ANKRA2: variants seen among roughly 807,000 people sequenced by gnomAD.
The protein encoded by ANKRA2 is ankyrin repeat family A protein 2.
ANKRA2 carries 33 observed loss-of-function variants against 37.8 expected under a neutral mutation model. That is an observed-to-expected ratio of 0.87 (90% CI 0.66 to 1.17). The LOEUF (loss-of-function observed/expected upper bound fraction) is 1.17, where lower values mean the gene tolerates loss of function less well. Among genes scored for constraint, ANKRA2 ranks in the 50% most tolerant of loss-of-function variants. The pLI is 0.00. For synonymous variants in ANKRA2, 126 were observed against 132.3 expected, an observed-to-expected ratio of 0.95 and a Z score of 0.33; for missense variants, 326 against 373.7, an observed-to-expected ratio of 0.87 and a Z score of 1.05.
chr5:73,553,414 T>C lies in ANKRA2; in HGVS notation c.878A>G (p.Tyr293Cys). Residue 293 changes from tyrosine (Y) to cysteine (C), a missense_variant, in exon 8 of 9, where the codon TAT (tyrosine) becomes TGT (cysteine). This residue lies in a region of ANKRA2 where 228 missense variants were observed against 260.2 expected (regional missense o/e 0.88). Coordinates refer to ENST00000296785, the MANE Select transcript of ANKRA2 (RefSeq NM_023039.5). ...AGTTCTAACATACTTACCACTTCTA[T>C]AGCCTAGGGCTACAGCTAGATCCAT... Reference protein sequence around the residue: ...NSMDLAVALGYRSVQQVIESH... With the variant: ...NSMDLAVALGCRSVQQVIESH... 3.1e-6 allele frequency: 5 copies of C among 1,612,054 alleles called. No homozygotes were observed. The highest frequency in any genetic ancestry group is 2.2e-5 in the South Asian group (2 of 90,976).
intron 3 of ANKRA2, 66 bp downstream of exon 3, chr5:73,561,064 T>C: frequency 6.9e-7 from 1 of 1,451,492 alleles, no homozygotes; most frequent in Non-Finnish European, 9.4e-7. Flanking sequence ...GAAATAATGT[T>C]TTAAAGTCAA....
intron 3 of ANKRA2, among the ~76,000 whole-genome samples, chr5:73,559,569 T>C (rs1011019245): frequency 6.6e-6 from 1 of 152,158 alleles, no homozygotes; most frequent in Non-Finnish European, 1.5e-5. Flanking sequence ...ATAAGTAAAA[T>C]GTGAAGCCTT....
chr5:73,563,227 A>G lies in ANKRA2; in HGVS notation c.-104-242T>C, dbSNP rs1409355069. Among the ~76,000 whole-genome samples the G allele has an allele frequency of 2.0e-5, 3 of 152,224 alleles. No homozygotes were observed. The East Asian group carries it at 5.8e-4, about 29-fold the overall frequency. On this transcript the variant is annotated intron_variant, in intron 1 of 8. Transcript: ENST00000296785. Reference sequence around the variant, plus strand: ...CTTCCGTGTCATTTATAAAATAGGGATATCACCATTAACCTTATAGGGTTC... The same window carrying G: ...CTTCCGTGTCATTTATAAAATAGGGGTATCACCATTAACCTTATAGGGTTC...
intron 4 of ANKRA2, 47 bp from the exon 5 acceptor site, chr5:73,555,632 T>A: frequency 6.6e-7 from 1 of 1,506,760 alleles, no homozygotes; most frequent in South Asian, 1.1e-5. Context: ...AACAACCATA[T>A]CTTAATATCA....
chr5:73,557,411 C>CTT (rs80067963), intron 4 of ANKRA2, 164 bp downstream of exon 4: 5,361 of 192,888 alleles, frequency 0.028, 152 homozygotes, highest in South Asian at 0.055. Context: ...CTTTATATTC[C>CTT]TTTTTTTTTT....
intron 3 of ANKRA2, among the ~76,000 whole-genome samples, chr5:73,559,913 C>T (rs1447478764): frequency 1.3e-5 from 2 of 151,958 alleles, no homozygotes; most frequent in East Asian, 3.9e-4. Flanking sequence ...TGTTTGCCAC[C>T]ACACCTAGCT....
Position 73,555,479 on chromosome 5 carries a change from T to C in ANKRA2, c.612+9A>G. On this transcript the variant is annotated intron_variant, in intron 5 of 8. Transcript: ENST00000296785. ...TATACATATACATTTTCTGAGGCAT[T>C]TTCCTTACATTCTGAAGTAGGAACT... 1 of 1,612,634 alleles carries C rather than the reference T, an allele frequency of 6.2e-7. No individual in the cohort carries two copies. The highest frequency in any genetic ancestry group is 8.5e-7 in the Non-Finnish European group (1 of 1,178,802).
rs528056701 is a variant in ANKRA2, at chr5:73,562,293, AG to A, written c.289+299del. On this transcript the variant is annotated intron_variant, in intron 2 of 8. Transcript: ENST00000296785. Reference sequence around the variant, plus strand: ...CGGCCTCCCAAAGTGCTGGGATTACAGGCATGAGCCACTGTGCCTGGCCCTA... The same window carrying A: ...CGGCCTCCCAAAGTGCTGGGATTACAGCATGAGCCACTGTGCCTGGCCCTA... Among the ~76,000 whole-genome samples, 473 of 152,324 alleles carry A rather than the reference AG, an allele frequency of 3.1e-3. 1 individual carries two copies. Among genetic ancestry groups the A allele is most frequent in the Non-Finnish European group, 4.4e-3 (296 of 68,026 alleles).
rs1747539607 is a variant in ANKRA2, at chr5:73,561,122, ATACT to A, written c.448+4_448+7del. The A allele has an allele frequency of 1.9e-6, 3 of 1,605,374 alleles. No individual in the cohort carries two copies. Among genetic ancestry groups the A allele is most frequent in the Non-Finnish European group, 2.5e-6 (3 of 1,177,058 alleles). On this transcript the variant is annotated splice_donor_5th_base_variant and intron_variant, in intron 3 of 8. Coordinates refer to ENST00000296785, the MANE Select transcript of ANKRA2 (RefSeq NM_023039.5). The stretch of plus-strand genomic sequence containing the variant: ...GAATATAGTAATACATCAGTGGCAA[ATACT>A]TACAATTTGCTAACAGAGGTGTGGT...
chr5:73,557,066 GTTT>G (rs1268748383), intron 4 of ANKRA2, among the ~76,000 whole-genome samples: 27 of 142,624 alleles, frequency 1.9e-4, no homozygotes, highest in African/African-American at 4.1e-4. Context: ...ATACTTTTAA[GTTT>G]TAAGTTTAAA....
At chr5:73,563,796 A>C (rs1747623041) in intron 1 of ANKRA2, among the ~76,000 whole-genome samples, 1 of 152,224 alleles carries the variant, frequency 6.6e-6, no homozygotes, top group African/African-American at 2.4e-5. Context: ...GGGTGTTTCA[A>C]AATTGGAATT....
intron 3 of ANKRA2, among the ~76,000 whole-genome samples, chr5:73,560,740 G>T (rs921695713): frequency 9.2e-5 from 14 of 152,046 alleles, no homozygotes; most frequent in African/African-American, 3.1e-4. Flanking sequence ...TCATTAAGTA[G>T]TCCTCCTGTC....
At position 73,562,782 on chromosome 5, in the gene ANKRA2, G is replaced by A. The variant is rs144799801; in HGVS notation, c.100C>T (p.His34Tyr). Residue 34 changes from histidine to tyrosine, a missense_variant, in exon 2 of 9, where the codon CAT becomes TAT. His to Tyr is a moderately conservative substitution (Grantham distance 83, BLOSUM62 2). This residue lies in a region of ANKRA2 where 93 missense variants were observed against 91.1 expected (regional missense o/e 1.02). Coordinates refer to ENST00000296785, the MANE Select transcript of ANKRA2 (RefSeq NM_023039.5). ...LTGMPDIKIE[H>Y]PLDPNSEEGS... is the part of the protein sequence containing the mutation. ...TCTTCTGAATTTGGGTCCAGTGGAT[G>A]TTCTATTTTAATGTCTGGCATGCCA... 861 of 1,614,170 alleles carry A rather than the reference G, an allele frequency of 5.3e-4. 4 individuals are homozygous for A. The highest frequency in any genetic ancestry group is 3.9e-4 in the Non-Finnish European group (459 of 1,180,024).
chr5:73,565,081 G>A (rs924534898), intron 1 of ANKRA2, 51 bp downstream of exon 1: 1 of 152,142 alleles, frequency 6.6e-6, no homozygotes, highest in African/African-American at 2.4e-5. Flanking sequence ...CCTGATCCTG[G>A]AATTATTCTA....
At chr5:73,555,092 TG>T in intron 5 of ANKRA2, 106 bp from the exon 6 acceptor site, 2 of 1,494,156 alleles carry the variant, frequency 1.3e-6, no homozygotes, top group Non-Finnish European at 1.8e-6. Flanking sequence ...GGTAATGTTC[TG>T]GGCTTAATAA....
chr5:73,562,459 A>C, intron 2 of ANKRA2, 134 bp downstream of exon 2: 1 of 781,432 alleles, frequency 1.3e-6, no homozygotes, highest in Non-Finnish European at 1.9e-6. Flanking sequence ...TTTGGTTTCT[A>C]TGAGATTCCA....
chr5:73,559,935 A>T (rs572212446), intron 3 of ANKRA2, among the ~76,000 whole-genome samples: 24 of 151,696 alleles, frequency 1.6e-4, no homozygotes, highest in African/African-American at 5.3e-4. Flanking sequence ...ATTAAAAAAA[A>T]TTTTTTTTGG....
At chr5:73,559,600 TAC>T (rs1747489307) in intron 3 of ANKRA2, among the ~76,000 whole-genome samples, 1 of 152,168 alleles carries the variant, frequency 6.6e-6, no homozygotes, top group Non-Finnish European at 1.5e-5. Flanking sequence ...AAGATGAAAA[TAC>T]AGTGTCTTAA....
In ANKRA2 at chr5:73,562,811, A is replaced by AATGTCT; in HGVS notation, c.70_71insAGACAT (p.Ser23_Leu24insGlnThr). Reference sequence around the variant, plus strand: ...TATTTTAATGTCTGGCATGCCAGTTAGGCTATAAGTGCTGGGACACTCTTC... The same window carrying AATGTCT: ...TATTTTAATGTCTGGCATGCCAGTTAATGTCTGGCTATAAGTGCTGGGACACTCTTC... On this transcript the variant is annotated inframe_insertion, in exon 2 of 9. Coordinates refer to ENST00000296785, the MANE Select transcript of ANKRA2 (RefSeq NM_023039.5). The AATGTCT allele has an allele frequency of 5.6e-6, 9 of 1,614,184 alleles. No homozygotes were observed. The highest frequency in any genetic ancestry group is 7.6e-6 in the Non-Finnish European group (9 of 1,180,022).
Sources: gnomAD v4.1 joint callset for allele counts (sites outside exome capture counted in the v4.1 genomes callset) on GRCh38, gnomAD v4.1.1 for gene constraint, gnomAD v4.1.1 regional missense constraint, MANE v1.5 for transcripts, NCBI Gene and HGNC (gene_info 2026-07-23, HGNC 2026-07-21) for gene names.